VAMP4: variants seen among roughly 807,000 people sequenced by gnomAD.
VAMP4 encodes vesicle-associated membrane protein 4.
A neutral mutation model predicts 23.5 loss-of-function variants in VAMP4; 19 were observed. The ratio of observed to expected loss-of-function variants is 0.81; its 90% confidence interval spans 0.56 to 1.19. VAMP4 has a LOEUF of 1.19. VAMP4 is among the 50% of genes most tolerant of loss of function. The pLI is 0.00. For synonymous variants in VAMP4, 31 were observed against 51.0 expected (o/e 0.61, Z 1.67); for missense variants, 145 against 168.6 (o/e 0.86, Z 0.78).
intron 1 of VAMP4, among the ~76,000 whole-genome samples, chr1:171,739,212 T>C (rs1186956611): frequency 6.6e-6 from 1 of 152,130 alleles, no homozygotes; most frequent in Non-Finnish European, 1.5e-5. Flanking sequence ...CCTAGCTTCC[T>C]GGAAGGGGAG....
At chr1:171,729,925 T>C (rs1000582418) in intron 2 of VAMP4, among the ~76,000 whole-genome samples, 1 of 152,056 alleles carries the variant, frequency 6.6e-6, no homozygotes, top group Admixed American at 6.5e-5. Flanking sequence ...TTATGAATTA[T>C]TCATATGGGC....
intron 2 of VAMP4, among the ~76,000 whole-genome samples, chr1:171,736,241 T>C (rs903761533): frequency 1.3e-5 from 2 of 152,156 alleles, no homozygotes; most frequent in African/African-American, 4.8e-5. Flanking sequence ...CACAGGTATA[T>C]CAAATTTTCT....
chr1:171,722,234 C>A (rs1023549475), intron 3 of VAMP4, among the ~76,000 whole-genome samples: 1 of 152,096 alleles, frequency 6.6e-6, no homozygotes, highest in African/African-American at 2.4e-5. Flanking sequence ...CCCTTCCTTA[C>A]ACCTTATACA....
rs1654573474 is a variant in VAMP4 at position 171,704,215 on chromosome 1, A to C, written c.*291T>G. ...ATATGAAATATTATAATCAGTGTTT[A>C]TATACACAAATAATGAACTGGCAAG... On this transcript the variant is annotated 3_prime_UTR_variant, in exon 8 of 8. Transcript: ENST00000236192. The C allele has an allele frequency of 4.5e-6, 1 of 222,668 alleles. No homozygotes were observed. The highest frequency in any genetic ancestry group is 9.2e-5 in the East Asian group (1 of 10,902). The allele number at this position is 222,668 out of a possible 1,614,324, so 13.8% of individuals were successfully genotyped here. A position where few individuals can be genotyped will look rare whatever the true frequency, so the allele number is the denominator to read the frequency against.
At chr1:171,725,756 T>A (rs962649748) in intron 3 of VAMP4, among the ~76,000 whole-genome samples, 93 of 152,194 alleles carry the variant, frequency 6.1e-4, no homozygotes, top group Middle Eastern at 3.4e-3. Flanking sequence ...AGTGGCGTGA[T>A]CTTGGCTCAC....
At chr1:171,727,685 G>C (rs1219043916) in intron 3 of VAMP4, among the ~76,000 whole-genome samples, 1 of 152,058 alleles carries the variant, frequency 6.6e-6, no homozygotes. Context: ...CCAAAAAGTA[G>C]AAACAACCCA....
intron 2 of VAMP4, among the ~76,000 whole-genome samples, chr1:171,733,294 C>CAAAAAAA (rs35176644): frequency 8.6e-5 from 5 of 58,112 alleles, no homozygotes; most frequent in Non-Finnish European, 1.5e-4. Context: ...CCCATCTCTA[C>CAAAAAAA]AAAAAAAAAA....
chr1:171,725,718 T>C (rs556475142), intron 3 of VAMP4, among the ~76,000 whole-genome samples: 1 of 151,220 alleles, frequency 6.6e-6, no homozygotes, highest in South Asian at 2.1e-4. Flanking sequence ...TTAGATGGAG[T>C]CTTTCTCTGT....
chr1:171,735,522 T>C (rs1655713596), intron 2 of VAMP4, among the ~76,000 whole-genome samples: 2 of 152,220 alleles, frequency 1.3e-5, no homozygotes, highest in South Asian at 4.1e-4. Flanking sequence ...GACTGAGGTA[T>C]TTACCTGACA....
intron 3 of VAMP4, among the ~76,000 whole-genome samples, chr1:171,724,345 G>A (rs61807082): frequency 0.013 from 1,787 of 136,598 alleles, 21 homozygotes; most frequent in Non-Finnish European, 0.022. Flanking sequence ...AGGGAGGAGG[G>A]ATAGCATTAG....
intron 1 of VAMP4, among the ~76,000 whole-genome samples, chr1:171,740,695 T>A (rs1209089912): frequency 6.6e-6 from 1 of 152,156 alleles, no homozygotes; most frequent in Non-Finnish European, 1.5e-5. Flanking sequence ...GAAGAACTTG[T>A]GCTTTTAACT....
rs1654463060 is a variant in VAMP4 at position 171,701,835 on chromosome 1, TATA to T, written c.*2668_*2670del. 1 of 152,090 alleles carries T rather than the reference TATA, an allele frequency of 6.6e-6. No individual in the cohort carries two copies. The highest frequency in any genetic ancestry group is 1.5e-5 in the Non-Finnish European group (1 of 67,950). 9.4% of individuals were successfully genotyped at this position (152,090 alleles called of 1,614,324 possible). A position where few individuals can be genotyped will look rare whatever the true frequency, so the allele number is the denominator to read the frequency against. ...CAAATGACCACAGGTATTACTGAGT[TATA>T]ATAAGAAGGAGTAACCAATTAATCA... On this transcript the variant is annotated 3_prime_UTR_variant, in exon 8 of 8. Coordinates refer to ENST00000236192, the MANE Select transcript of VAMP4 (RefSeq NM_003762.5).
chr1:171,740,016 G>A (rs906922254), intron 1 of VAMP4, among the ~76,000 whole-genome samples: 8 of 152,324 alleles, frequency 5.3e-5, no homozygotes, highest in Admixed American at 3.3e-4. Context: ...AATACTGAAT[G>A]TTTTACTATG....
intron 3 of VAMP4, among the ~76,000 whole-genome samples, chr1:171,725,733 C>A (rs1655342997): frequency 6.6e-6 from 1 of 151,892 alleles, no homozygotes; most frequent in Non-Finnish European, 1.5e-5. Flanking sequence ...CTCTGTCGCC[C>A]AGGCTAGAAT....
chr1:171,718,462 C>T (rs1258165417), intron 4 of VAMP4, among the ~76,000 whole-genome samples: 2 of 152,054 alleles, frequency 1.3e-5, no homozygotes, highest in Non-Finnish European at 2.9e-5. Flanking sequence ...CTGTCTATTC[C>T]TTCTCCCCTC....
intron 3 of VAMP4, among the ~76,000 whole-genome samples, chr1:171,722,121 C>A (rs1655216162): frequency 1.3e-5 from 2 of 152,138 alleles, no homozygotes; most frequent in East Asian, 1.9e-4. Context: ...ACCATCTGAT[C>A]TTTGACAAAC....
intron 1 of VAMP4, 132 bp downstream of exon 1, chr1:171,741,778 C>T (rs2124875836): frequency 6.6e-6 from 1 of 152,484 alleles, no homozygotes; most frequent in Admixed American, 6.5e-5. Context: ...ACTCCGGGGT[C>T]CCTTCCTAGA....
chr1:171,703,123 T>C lies in VAMP4; in HGVS notation c.*1383A>G, dbSNP rs1288633615. ...TTTCCCTATTTAAATACTGATAATT[T>C]CTATTAACCCTATTTTTAATTTAGG... is the stretch of plus-strand genomic sequence containing the variant. On this transcript the variant is annotated 3_prime_UTR_variant, in exon 8 of 8. Transcript: ENST00000236192. 1 of 151,764 alleles carries C rather than the reference T, an allele frequency of 6.6e-6. No homozygotes were observed. The highest frequency in any genetic ancestry group is 1.5e-5 in the Non-Finnish European group (1 of 67,818). 9.4% of individuals were successfully genotyped at this position (151,764 alleles called of 1,614,324 possible).
At chr1:171,710,162 T>C (rs1436241971) in intron 5 of VAMP4, among the ~76,000 whole-genome samples, 1 of 151,478 alleles carries the variant, frequency 6.6e-6, no homozygotes, top group Non-Finnish European at 1.5e-5. Context: ...GAAAACAATA[T>C]ACATTTTAAA....
Sources: gnomAD v4.1 joint callset for allele counts (sites outside exome capture counted in the v4.1 genomes callset) on GRCh38, gnomAD v4.1.1 for gene constraint, MANE v1.5 for transcripts, NCBI Gene and HGNC (gene_info 2026-07-23, HGNC 2026-07-21) for gene names.